The following KCNQ1OT1 variants were observed in gnomAD, a reference collection of about 807,000 sequenced individuals.
KCNQ1OT1 encodes the protein KCNQ1 antisense RNA 2 (non-protein coding).
chr11:2,693,117 C>A (rs938777990), exon 1 of KCNQ1OT1: 9 of 398,564 alleles, frequency 2.3e-5, no homozygotes, highest in Non-Finnish European at 4.0e-5. Flanking sequence ...TGCCCCAAGA[C>A]TACTTTCTGT....
In KCNQ1OT1 at chr11:2,620,249, T is replaced by C; in HGVS notation, n.79746A>G. The C allele has an allele frequency of 4.3e-6, 1 of 234,266 alleles. No individual in the cohort carries two copies. Among genetic ancestry groups the C allele is most frequent in the African/African-American group, 2.3e-5 (1 of 43,686 alleles). 14.5% of individuals were successfully genotyped at this position (234,266 alleles called of 1,614,324 possible). A position where few individuals can be genotyped will look rare whatever the true frequency, so the allele number is the denominator to read the frequency against. On this transcript the variant is annotated non_coding_transcript_exon_variant, in exon 1 of 1. Transcript: ENST00000597346. The surrounding 1 kb of genome is among the most constrained non-coding windows in gnomAD (Gnocchi z 4.5). The stretch of plus-strand genomic sequence containing the variant: ...ATTTTTTTTTTAGACGGAGTTTCGC[T>C]CTTGTTGCCCAGGCTGGAGGGCAAT...
At chr11:2,641,389 T>A (rs1849574613) in exon 1 of KCNQ1OT1, 1 of 397,942 alleles carries the variant, frequency 2.5e-6, no homozygotes, top group Non-Finnish European at 4.4e-6. Flanking sequence ...ATTACTGATG[T>A]TGGGCTTTTT....
At chr11:2,644,116 C>A (rs1464858835) in exon 1 of KCNQ1OT1, 5 of 398,332 alleles carry the variant, frequency 1.3e-5, no homozygotes, top group Non-Finnish European at 2.2e-5. Context: ...TTCTGAGATT[C>A]CTATATTTGG....
At chr11:2,640,085 G>C in exon 1 of KCNQ1OT1, 1 of 242,558 alleles carries the variant, frequency 4.1e-6, no homozygotes, top group Non-Finnish European at 7.8e-6. Context: ...GAGTGATCCA[G>C]TTTTCCAGGT....
At position 2,674,665 on chromosome 11, in the gene KCNQ1OT1, A is replaced by G; in HGVS notation, n.25330T>C. ...TTGGAAAGCCAGAACTTTTTGCAAA[A>G]TAATTTGAAAAGTTTGTTGAACCTT... On this transcript the variant is annotated non_coding_transcript_exon_variant, in exon 1 of 1. Transcript: ENST00000597346. This position sits in a 1 kb window ranked among gnomAD's most constrained non-coding sequence, Gnocchi z 5.9. 7.5e-6 allele frequency: 3 copies of G among 398,476 alleles called. No homozygotes were observed. Among genetic ancestry groups the G allele is most frequent in the Admixed American group, 8.8e-5 (2 of 22,730 alleles). 24.7% of individuals were successfully genotyped at this position (398,476 alleles called of 1,614,324 possible). A position where few individuals can be genotyped will look rare whatever the true frequency, so the allele number is the denominator to read the frequency against.
exon 1 of KCNQ1OT1, chr11:2,610,032 A>AAAC (rs1848953376): frequency 2.5e-6 from 1 of 397,782 alleles, no homozygotes; most frequent in Non-Finnish European, 4.4e-6. Flanking sequence ...ATATAATTAG[A>AAAC]TTTATATCCA....
chr11:2,674,513 GCACTT>G lies in KCNQ1OT1; in HGVS notation n.25477_25481del. ...CCCCAGTGTTACTAGGCACTAGATG[GCACTT>G]GCAAAGCCCATTCGGAGGATTTAGA... On this transcript the variant is annotated non_coding_transcript_exon_variant, in exon 1 of 1. Transcript: ENST00000597346. The surrounding 1 kb of genome is among the most constrained non-coding windows in gnomAD (Gnocchi z 5.9). 2.5e-6 allele frequency: 1 copy of G among 398,602 alleles called. No homozygotes were observed. The highest frequency in any genetic ancestry group is 4.4e-6 in the Non-Finnish European group (1 of 226,064). The allele number at this position is 398,602 out of a possible 1,614,324, so 24.7% of individuals were successfully genotyped here. A position where few individuals can be genotyped will look rare whatever the true frequency, so the allele number is the denominator to read the frequency against.
exon 1 of KCNQ1OT1, chr11:2,697,105 C>T (rs1850690503): frequency 2.5e-6 from 1 of 398,422 alleles, no homozygotes; most frequent in South Asian, 1.3e-4. Context: ...CTTTCATTCT[C>T]ACAAAGATAA....
Position 2,693,852 on chromosome 11 carries a change from C to T in KCNQ1OT1, n.6143G>A, listed in dbSNP as rs1382120920. 1.5e-5 allele frequency: 6 copies of T among 398,756 alleles called. No homozygotes were observed. In the Admixed American group the frequency reaches 2.2e-4, roughly 15 times the overall value. The allele number at this position is 398,756 out of a possible 1,614,324, so 24.7% of individuals were successfully genotyped here. ...AGGCAGTATTAGAGGCCACCCCTTG[C>T]CCTCCCATCCAGGCCTGCTCTGAGG... is the stretch of plus-strand genomic sequence containing the variant. On this transcript the variant is annotated non_coding_transcript_exon_variant, in exon 1 of 1. Coordinates refer to ENST00000597346, the Ensembl canonical transcript of KCNQ1OT1.
exon 1 of KCNQ1OT1, chr11:2,634,084 T>C (rs1425921883): frequency 5.0e-6 from 2 of 398,486 alleles, no homozygotes; most frequent in African/African-American, 2.1e-5. Flanking sequence ...TGTGGTTCCA[T>C]GCAAGTTTAA....
exon 1 of KCNQ1OT1, chr11:2,610,734 T>TTC (rs1848966910): frequency 2.6e-6 from 1 of 385,218 alleles, no homozygotes; most frequent in South Asian, 1.4e-4. Flanking sequence ...TTTTTTTTTT[T>TTC]TTTTTTTTTT....
rs942854263 is a variant in KCNQ1OT1 at position 2,657,602 on chromosome 11, A to G, written n.42393T>C. ...AACCATGGTACATTGACCAAAACTA[A>G]AAAATTAACATTGGTACACTATTAA... is the stretch of plus-strand genomic sequence containing the variant. On this transcript the variant is annotated non_coding_transcript_exon_variant, in exon 1 of 1. Transcript: ENST00000597346. The surrounding 1 kb of genome is among the most constrained non-coding windows in gnomAD (Gnocchi z 4.8). 5 of 398,504 alleles carry G rather than the reference A, an allele frequency of 1.3e-5. No individual in the cohort carries two copies. The highest frequency in any genetic ancestry group is 1.0e-4 in the African/African-American group (5 of 48,640). The allele number at this position is 398,504 out of a possible 1,614,324, so 24.7% of individuals were successfully genotyped here.
In KCNQ1OT1 at chr11:2,683,477, T is replaced by C. The variant is rs893776383; in HGVS notation, n.16518A>G. Reference sequence around the variant, plus strand: ...ACATATGATTCCATCAATGACAGTTTTCCTATTAAAACATAACTTGTTAAA... The same window carrying C: ...ACATATGATTCCATCAATGACAGTTCTCCTATTAAAACATAACTTGTTAAA... On this transcript the variant is annotated non_coding_transcript_exon_variant, in exon 1 of 1. Coordinates refer to ENST00000597346, the Ensembl canonical transcript of KCNQ1OT1. This position sits in a 1 kb window ranked among gnomAD's most constrained non-coding sequence, Gnocchi z 4.7. 5.0e-6 allele frequency: 2 copies of C among 398,474 alleles called. No homozygotes were observed. Among genetic ancestry groups the C allele is most frequent in the Non-Finnish European group, 8.8e-6 (2 of 226,058 alleles). The allele number at this position is 398,474 out of a possible 1,614,324, so 24.7% of individuals were successfully genotyped here.
rs1167822554 is a variant in KCNQ1OT1 at position 2,611,120 on chromosome 11, A to G, written n.88875T>C. 7.5e-6 allele frequency: 3 copies of G among 397,634 alleles called. No homozygotes were observed. Among genetic ancestry groups the G allele is most frequent in the Non-Finnish European group, 1.3e-5 (3 of 225,804 alleles). 24.6% of individuals were successfully genotyped at this position (397,634 alleles called of 1,614,324 possible). On this transcript the variant is annotated non_coding_transcript_exon_variant, in exon 1 of 1. Coordinates refer to ENST00000597346, the Ensembl canonical transcript of KCNQ1OT1. The surrounding 1 kb of genome is among the most constrained non-coding windows in gnomAD (Gnocchi z 5.3). Reference sequence around the variant, plus strand: ...TTTATGACTTCTGTTTATGATTTCTATTTCTTCCTGTTAAATTTTCCCTTT... The same window carrying G: ...TTTATGACTTCTGTTTATGATTTCTGTTTCTTCCTGTTAAATTTTCCCTTT...
chr11:2,670,612 G>T lies in KCNQ1OT1; in HGVS notation n.29383C>A. ...GCTCATTCCCAGACACACAATCTCT[G>T]GGGGAGCCTGGATATGCATGGCAGA... On this transcript the variant is annotated non_coding_transcript_exon_variant, in exon 1 of 1. Transcript: ENST00000597346. The surrounding 1 kb of genome is among the most constrained non-coding windows in gnomAD (Gnocchi z 4.9). 2.5e-6 allele frequency: 1 copy of T among 398,428 alleles called. No homozygotes were observed. Among genetic ancestry groups the T allele is most frequent in the Non-Finnish European group, 4.4e-6 (1 of 226,054 alleles). 24.7% of individuals were successfully genotyped at this position (398,428 alleles called of 1,614,324 possible). A position where few individuals can be genotyped will look rare whatever the true frequency, so the allele number is the denominator to read the frequency against.
At chr11:2,686,390 C>T in exon 1 of KCNQ1OT1, 1 of 398,702 alleles carries the variant, frequency 2.5e-6, no homozygotes, top group Non-Finnish European at 4.4e-6. Context: ...CAGGGTACCC[C>T]AACCCCTGAC....
At chr11:2,631,278 AT>A in exon 1 of KCNQ1OT1, 1 of 398,362 alleles carries the variant, frequency 2.5e-6, no homozygotes, top group Non-Finnish European at 4.4e-6. Context: ...TTACCTTTTC[AT>A]TCTTTATTTT....
At chr11:2,660,174 A>G (rs1849926290) in exon 1 of KCNQ1OT1, 1 of 398,088 alleles carries the variant, frequency 2.5e-6, no homozygotes, top group Non-Finnish European at 4.4e-6. Flanking sequence ...TTATGGTTTT[A>G]TGTTTTATTT....
In KCNQ1OT1 at chr11:2,682,966, C is replaced by G. The variant is rs1850423696; in HGVS notation, n.17029G>C. Reference sequence around the variant, plus strand: ...GAAAGGACAGGAGTCCTTCTGCCACCCAGACTGTGCATTCAGACATCTCCC... The same window carrying G: ...GAAAGGACAGGAGTCCTTCTGCCACGCAGACTGTGCATTCAGACATCTCCC... On this transcript the variant is annotated non_coding_transcript_exon_variant, in exon 1 of 1. Transcript: ENST00000597346. The surrounding 1 kb of genome is among the most constrained non-coding windows in gnomAD (Gnocchi z 5.8). The G allele has an allele frequency of 5.0e-6, 2 of 398,494 alleles. No homozygotes were observed. The highest frequency in any genetic ancestry group is 3.6e-5 in the East Asian group (1 of 28,060). The allele number at this position is 398,494 out of a possible 1,614,324, so 24.7% of individuals were successfully genotyped here. A position where few individuals can be genotyped will look rare whatever the true frequency, so the allele number is the denominator to read the frequency against.
Sources: gnomAD v4.1 joint callset for allele counts on GRCh38, gnomAD v4.1.1 for gene constraint, Gnocchi (gnomAD v3.1) non-coding constraint, MANE v1.5 for transcripts, NCBI Gene and HGNC (gene_info 2026-07-23, HGNC 2026-07-21) for gene names.